FRMD4A: variants seen among roughly 807,000 people sequenced by gnomAD.
FRMD4A encodes the protein FERM domain-containing protein 4A.
A neutral mutation model predicts 129.1 loss-of-function variants in FRMD4A; 29 were observed. The observed-to-expected ratio is 0.22, with a 90% confidence interval of 0.17 to 0.31. The LOEUF is 0.31. Ranked by LOEUF, FRMD4A falls within the 10% of genes least tolerant of loss-of-function variation. FRMD4A has a pLI of 1.00. For missense variants in FRMD4A, 1,272 were observed against 1,375.8 expected (o/e 0.92, Z 1.19); for synonymous variants, 634 against 571.6 (o/e 1.11, Z -1.56).
intron 6 of FRMD4A, among the ~76,000 whole-genome samples, chr10:13,764,320 C>T (rs369289748): frequency 7.1e-4 from 107 of 151,662 alleles, no homozygotes; most frequent in South Asian, 3.3e-3. Context: ...GCCTGGTCAA[C>T]GTGGCGAAAC....
chr10:13,700,111 C>T lies in FRMD4A; in HGVS notation c.975+1229G>A, dbSNP rs7902659. ...TCATTTCGTCCTGTCCTCTTTTCTTCTTTTTTTTTTCTTTTAGTAGAGATG... is the reference window on the plus strand; with the variant it reads ...TCATTTCGTCCTGTCCTCTTTTCTTTTTTTTTTTTTCTTTTAGTAGAGATG... On this transcript the variant is annotated intron_variant, in intron 14 of 24. Transcript: ENST00000357447. Among the ~76,000 whole-genome samples, 894 of 149,524 alleles carry T rather than the reference C, an allele frequency of 6.0e-3. 12 individuals carry two copies. Among genetic ancestry groups the T allele is most frequent in the African/African-American group, 0.021 (853 of 40,698 alleles).
intron 2 of FRMD4A, among the ~76,000 whole-genome samples, chr10:14,050,382 T>A (rs1834199986): frequency 6.6e-6 from 1 of 152,338 alleles, no homozygotes; most frequent in African/African-American, 2.4e-5. Context: ...TGGAAAGTGA[T>A]GCTCTGGTTA....
At chr10:14,137,556 AGT>A (rs1415448770) in intron 2 of FRMD4A, among the ~76,000 whole-genome samples, 1 of 152,154 alleles carries the variant, frequency 6.6e-6, no homozygotes, top group Non-Finnish European at 1.5e-5. Context: ...ATATGAGTGA[AGT>A]GATTGAAGTT....
At chr10:14,164,708 C>A (rs1355012088) in intron 2 of FRMD4A, among the ~76,000 whole-genome samples, 1 of 152,168 alleles carries the variant, frequency 6.6e-6, no homozygotes, top group African/African-American at 2.4e-5. Context: ...AGGAAATCAA[C>A]CTCTTGGAGC....
intron 2 of FRMD4A, among the ~76,000 whole-genome samples, chr10:13,948,738 G>A (rs1588488620): frequency 7.0e-6 from 1 of 143,330 alleles, no homozygotes; most frequent in South Asian, 2.3e-4. Context: ...TGCAACCTCC[G>A]CCTCCCAGGT....
At position 13,750,068 on chromosome 10, in the gene FRMD4A, G is replaced by GAAA. The variant is rs1564738793; in HGVS notation, c.465-2250_465-2249insTTT. ...GGAAAGGAAGGAAGGAAGGAAGGAA[G>GAAA]GAAGAAAGAAAGAAAGAAAGAAAGA... On this transcript the variant is annotated intron_variant, in intron 8 of 24. Coordinates refer to ENST00000357447, the MANE Select transcript of FRMD4A (RefSeq NM_018027.5). Among the ~76,000 whole-genome samples, 580 of 118,236 alleles carry GAAA rather than the reference G, an allele frequency of 4.9e-3. 6 individuals carry two copies. Among genetic ancestry groups the GAAA allele is most frequent in the South Asian group, 0.013 (40 of 2,978 alleles). The allele number at this position is 118,236 out of a possible 152,430, so 77.6% of individuals were successfully genotyped here.
In FRMD4A at chr10:13,942,066, A is replaced by G. The variant is rs145099910; in HGVS notation, c.46-83154T>C. Among the ~76,000 whole-genome samples the G allele has an allele frequency of 6.6e-5, 10 of 152,224 alleles. No individual in the cohort carries two copies. In the East Asian group the frequency reaches 1.7e-3, roughly 26 times the overall value. ...TGGGAAGGTGTGGTTTTCTGAAGAC[A>G]CCGCGCCCTGTTCCAGGCCCTTAAT... On this transcript the variant is annotated intron_variant, in intron 2 of 24. Transcript: ENST00000357447.
At chr10:14,055,461 AAACACAC>A (rs1834475802) in intron 2 of FRMD4A, among the ~76,000 whole-genome samples, 7 of 23,070 alleles carry the variant, frequency 3.0e-4, no homozygotes, top group African/African-American at 5.6e-4. Context: ...ACACACACAC[AAACACAC>A]ACACACACAC....
chr10:14,027,287 C>T (rs1428837206), intron 2 of FRMD4A, among the ~76,000 whole-genome samples: 2 of 152,202 alleles, frequency 1.3e-5, no homozygotes, highest in East Asian at 3.8e-4. Context: ...TTGAGTCTCC[C>T]AGTCTCAACC....
chr10:14,256,588 A>G (rs1468418298), intron 2 of FRMD4A, among the ~76,000 whole-genome samples: 1 of 152,240 alleles, frequency 6.6e-6, no homozygotes, highest in Non-Finnish European at 1.5e-5. Flanking sequence ...TGGTCATTGA[A>G]TTGGCCCTAA....
intron 3 of FRMD4A, among the ~76,000 whole-genome samples, chr10:13,841,603 G>A (rs1588982523): frequency 6.6e-6 from 1 of 152,196 alleles, no homozygotes; most frequent in South Asian, 2.1e-4. Flanking sequence ...CTTCCCGTTG[G>A]TGAAAAGAAT....
Position 13,643,954 on chromosome 10 carries a change from A to G in FRMD4A, c.*3084T>C, listed in dbSNP as rs2080963325. On this transcript the variant is annotated 3_prime_UTR_variant, in exon 25 of 25. Coordinates refer to ENST00000357447, the MANE Select transcript of FRMD4A (RefSeq NM_018027.5). ...ATCTTTTTTCCCCCATTATTAAACT[A>G]GAGTCCATTTTACACAACTTGTAAT... 1 of 152,652 alleles carries G rather than the reference A, an allele frequency of 6.6e-6. No homozygotes were observed. Among genetic ancestry groups the G allele is most frequent in the Non-Finnish European group, 1.5e-5 (1 of 68,052 alleles). The allele number at this position is 152,652 out of a possible 1,614,324, so 9.5% of individuals were successfully genotyped here.
intron 2 of FRMD4A, among the ~76,000 whole-genome samples, chr10:14,016,429 C>T (rs1462319094): frequency 6.6e-6 from 1 of 152,212 alleles, no homozygotes; most frequent in Non-Finnish European, 1.5e-5. Flanking sequence ...ACACGGTTTT[C>T]CTGTTGTCTC....
At chr10:14,109,603 T>C (rs1215020751) in intron 2 of FRMD4A, among the ~76,000 whole-genome samples, 1 of 152,130 alleles carries the variant, frequency 6.6e-6, no homozygotes, top group Non-Finnish European at 1.5e-5. Context: ...GCCAGAAAAA[T>C]TGGAGCAAAA....
intron 3 of FRMD4A, among the ~76,000 whole-genome samples, chr10:13,815,947 T>C (rs2093535231): frequency 6.6e-6 from 1 of 152,228 alleles, no homozygotes; most frequent in Non-Finnish European, 1.5e-5. Flanking sequence ...CTCTCTGATT[T>C]AGCCTGTCAC....
At chr10:13,854,502 C>A (rs1455979730) in intron 3 of FRMD4A, among the ~76,000 whole-genome samples, 1 of 151,962 alleles carries the variant, frequency 6.6e-6, no homozygotes, top group East Asian at 1.9e-4. Context: ...CTCACTGCAA[C>A]CTCCGCCTCC....
intron 2 of FRMD4A, among the ~76,000 whole-genome samples, chr10:14,107,248 A>G (rs544821203): frequency 8.5e-5 from 13 of 152,316 alleles, no homozygotes; most frequent in African/African-American, 3.1e-4. Flanking sequence ...CCTATTGGGT[A>G]CTATGCTCAC....
intron 2 of FRMD4A, among the ~76,000 whole-genome samples, chr10:14,136,218 C>T (rs988357911): frequency 1.2e-4 from 18 of 152,068 alleles, no homozygotes; most frequent in African/African-American, 3.9e-4. Context: ...TAAGCCAAAG[C>T]GAAAAGTCAG....
chr10:14,312,919 G>A (rs1423307179), intron 2 of FRMD4A, among the ~76,000 whole-genome samples: 7 of 152,058 alleles, frequency 4.6e-5, no homozygotes, highest in Admixed American at 3.3e-4. Flanking sequence ...AATTGACAAG[G>A]GAAGATGTTG....
Sources: gnomAD v4.1 joint callset for allele counts (sites outside exome capture counted in the v4.1 genomes callset) on GRCh38, gnomAD v4.1.1 for gene constraint, MANE v1.5 for transcripts, NCBI Gene and HGNC (gene_info 2026-07-23, HGNC 2026-07-21) for gene names.